Variants in ARHGAP42 observed in about 807,000 individuals in gnomAD.
The protein encoded by ARHGAP42 is Rho GTPase activating protein 42, also known as rho GTPase-activating protein 42.
A neutral mutation model predicts 125.0 loss-of-function variants in ARHGAP42; 63 were observed. The ratio of observed to expected loss-of-function variants is 0.50; its 90% CI spans 0.41 to 0.62. The LOEUF is 0.62. Among genes scored for constraint, ARHGAP42 ranks in the 20% least tolerant of loss-of-function variants. ARHGAP42 has a pLI of 0.00. For synonymous variants in ARHGAP42, 339 were observed against 351.0 expected, an observed-to-expected ratio of 0.97 and a Z score of 0.38; for missense variants, 766 against 1,024.2, an observed-to-expected ratio of 0.75 and a Z score of 3.44.
chr11:100,769,438 G>T (rs145387064), intron 1 of ARHGAP42, among the ~76,000 whole-genome samples: 149 of 152,206 alleles, frequency 9.8e-4, no homozygotes, highest in Non-Finnish European at 1.7e-3. Context: ...TTCTTTTTCA[G>T]CCCATAAATA....
intron 3 of ARHGAP42, among the ~76,000 whole-genome samples, chr11:100,806,929 C>A (rs950325921): frequency 4.6e-5 from 7 of 151,714 alleles, no homozygotes; most frequent in African/African-American, 1.5e-4. Flanking sequence ...CTCACTGCAA[C>A]CTCTGCCTTC....
chr11:100,965,096 C>T (rs1381538525), intron 16 of ARHGAP42, among the ~76,000 whole-genome samples: 7 of 152,156 alleles, frequency 4.6e-5, no homozygotes, highest in South Asian at 2.1e-4. Context: ...GGAAAAGCCC[C>T]GTATAAAACC....
At chr11:100,730,271 A>G (rs781116926) in intron 1 of ARHGAP42, among the ~76,000 whole-genome samples, 6 of 152,028 alleles carry the variant, frequency 3.9e-5, no homozygotes, top group Non-Finnish European at 7.4e-5. Flanking sequence ...TTCAAACTGC[A>G]TCATGGTTTT....
chr11:100,716,071 A>G (rs1461500735), intron 1 of ARHGAP42, among the ~76,000 whole-genome samples: 1 of 152,200 alleles, frequency 6.6e-6, no homozygotes, highest in East Asian at 1.9e-4. Context: ...TATATTTTTA[A>G]AATGATAGCA....
At chr11:100,906,243 G>C (rs1446400772) in intron 4 of ARHGAP42, among the ~76,000 whole-genome samples, 11 of 152,140 alleles carry the variant, frequency 7.2e-5, no homozygotes, top group Non-Finnish European at 1.2e-4. Context: ...TGGTACAGAA[G>C]CAGTAGAATT....
At chr11:100,767,482 T>C (rs148485664) in intron 1 of ARHGAP42, among the ~76,000 whole-genome samples, 27 of 152,310 alleles carry the variant, frequency 1.8e-4, no homozygotes, top group Admixed American at 6.5e-4. Context: ...GCATTCACAG[T>C]GATCTCTGTG....
At chr11:100,824,752 A>T (rs1408734062) in intron 3 of ARHGAP42, among the ~76,000 whole-genome samples, 1 of 152,130 alleles carries the variant, frequency 6.6e-6, no homozygotes, top group Admixed American at 6.6e-5. Context: ...CTACTCCATG[A>T]TTTGTGTATA....
chr11:100,928,331 C>A (rs1439750509), intron 6 of ARHGAP42, among the ~76,000 whole-genome samples: 1 of 152,214 alleles, frequency 6.6e-6, no homozygotes, highest in South Asian at 2.1e-4. Context: ...CATGGTTGCT[C>A]ACACCTGTAA....
intron 3 of ARHGAP42, among the ~76,000 whole-genome samples, chr11:100,838,241 G>A (rs888690771): frequency 2.6e-5 from 4 of 151,958 alleles, no homozygotes; most frequent in African/African-American, 9.7e-5. Context: ...TCTCATTACT[G>A]TTGGTGTAAA....
In ARHGAP42 at chr11:100,961,616, A is replaced by G. The variant is rs1034043581; in HGVS notation, c.1301-68A>G. The G allele has an allele frequency of 6.4e-6, 9 of 1,399,430 alleles. No individual in the cohort carries two copies. In the African/African-American group the frequency reaches 1.2e-4, roughly 18 times the overall value. The allele number at this position is 1,399,430 out of a possible 1,614,324, so 86.7% of individuals were successfully genotyped here. A position where few individuals can be genotyped will look rare whatever the true frequency, so the allele number is the denominator to read the frequency against. ...TTTTGACCTACTTACGTTTGTGCCC[A>G]TTTTTCATAATTGCATAAGAAATAT... On this transcript the variant is annotated intron_variant, in intron 14 of 23. Transcript: ENST00000298815.
At chr11:100,872,330 C>A (rs919421495) in intron 4 of ARHGAP42, among the ~76,000 whole-genome samples, 5 of 152,106 alleles carry the variant, frequency 3.3e-5, no homozygotes, top group Non-Finnish European at 7.4e-5. Flanking sequence ...GCCTAGTAGA[C>A]TTTTTGGTGA....
At chr11:100,925,130 C>A (rs920306857) in intron 6 of ARHGAP42, among the ~76,000 whole-genome samples, 2 of 151,966 alleles carry the variant, frequency 1.3e-5, no homozygotes, top group African/African-American at 4.8e-5. Context: ...CCACACCTGG[C>A]CTGAAATCAG....
intron 12 of ARHGAP42, among the ~76,000 whole-genome samples, chr11:100,955,969 A>G (rs906563065): frequency 6.6e-6 from 1 of 152,114 alleles, no homozygotes; most frequent in African/African-American, 2.4e-5. Context: ...AGAAATGACA[A>G]TCCTTGTGAC....
At chr11:100,721,382 C>T (rs1017862554) in intron 1 of ARHGAP42, among the ~76,000 whole-genome samples, 3 of 152,098 alleles carry the variant, frequency 2.0e-5, no homozygotes, top group Admixed American at 6.5e-5. Flanking sequence ...AATGTATAGC[C>T]CTTTCATACT....
intron 4 of ARHGAP42, among the ~76,000 whole-genome samples, chr11:100,882,680 CCTT>C (rs1865990506): frequency 6.6e-6 from 1 of 152,000 alleles, no homozygotes; most frequent in African/African-American, 2.4e-5. Context: ...TGGTACCAAT[CCTT>C]CTTTGAATGC....
chr11:100,813,856 G>A (rs564067521), intron 3 of ARHGAP42, among the ~76,000 whole-genome samples: 5 of 152,188 alleles, frequency 3.3e-5, no homozygotes, highest in African/African-American at 9.6e-5. Flanking sequence ...AAGACTGGCG[G>A]CAACATGTAA....
intron 4 of ARHGAP42, among the ~76,000 whole-genome samples, chr11:100,882,619 T>A (rs992326892): frequency 6.6e-6 from 1 of 152,066 alleles, no homozygotes; most frequent in African/African-American, 2.4e-5. Context: ...CCTCATAGAA[T>A]GATTTAAGGA....
At chr11:100,844,274 C>G (rs2135117231) in intron 3 of ARHGAP42, among the ~76,000 whole-genome samples, 1 of 151,030 alleles carries the variant, frequency 6.6e-6, no homozygotes, top group South Asian at 2.1e-4. Context: ...GGATCCTCAT[C>G]TCTCACCTTA....
rs1218791556 is a variant in ARHGAP42 at position 100,980,550 on chromosome 11, T to TTTCTTC, written c.2456+1507_2456+1512dup. ...GTTCAACAGTCAAATCATACTTCTT[T>TTTCTTC]TTCTTCTTCTTTTTTTTTTTTTTTT... On this transcript the variant is annotated intron_variant, in intron 22 of 23. Transcript: ENST00000298815. Among the ~76,000 whole-genome samples, 360 of 82,458 alleles carry TTTCTTC rather than the reference T, an allele frequency of 4.4e-3. 6 individuals are homozygous for TTTCTTC. The highest frequency in any genetic ancestry group is 0.016 in the Middle Eastern group (2 of 124). 54.1% of individuals were successfully genotyped at this position (82,458 alleles called of 152,430 possible).
Sources: allele counts gnomAD v4.1 joint callset (sites outside exome capture counted in the v4.1 genomes callset), GRCh38; gene constraint gnomAD v4.1.1; transcripts MANE v1.5; gene names NCBI Gene and HGNC (gene_info 2026-07-23, HGNC 2026-07-21).